The following C1orf87 variants were observed in gnomAD, a reference collection of about 807,000 sequenced individuals.
C1orf87 encodes chromosome 1 open reading frame 87.
Under a neutral mutation model 60.5 loss-of-function variants are expected in C1orf87, and 58 were observed. The ratio of observed to expected loss-of-function variants is 0.96; its 90% CI spans 0.78 to 1.19. The LOEUF is 1.19. C1orf87 is among the 50% of genes most tolerant of loss of function. C1orf87 has a pLI of 0.00. For synonymous variants in C1orf87, 236 were observed against 227.4 expected, an observed-to-expected ratio of 1.04 and a Z score of -0.34; for missense variants, 673 against 638.6, an observed-to-expected ratio of 1.05 and a Z score of -0.58.
chr1:60,002,506 G>T (rs1228643425), intron 9 of C1orf87, among the ~76,000 whole-genome samples: 3 of 151,952 alleles, frequency 2.0e-5, no homozygotes, highest in African/African-American at 7.3e-5. Flanking sequence ...AAATTTGTTT[G>T]AGTTCATTGT....
At chr1:59,996,856 CT>C (rs758983650) in intron 11 of C1orf87, among the ~76,000 whole-genome samples, 2 of 152,122 alleles carry the variant, frequency 1.3e-5, no homozygotes, top group Non-Finnish European at 2.9e-5. Flanking sequence ...CAAAACAAAA[CT>C]GTGCAAGGTG....
intron 3 of C1orf87, 152 bp downstream of exon 3, chr1:60,055,052 T>C: frequency 1.3e-6 from 1 of 752,870 alleles, no homozygotes; most frequent in South Asian, 1.8e-5. Context: ...CTGAAGTTCA[T>C]TTTCAGATTG....
In C1orf87 at chr1:60,040,135, GA is replaced by G; in HGVS notation, c.528del (p.Leu177PhefsTer14). 6.2e-7 allele frequency: 1 copy of G among 1,613,954 alleles called. No homozygotes were observed. The highest frequency in any genetic ancestry group is 1.3e-5 in the African/African-American group (1 of 74,982). Reference sequence around the variant, plus strand: ...AGTTCTCTTCTGACCAGGGCAAGAAGAAAAGCGTCTTCATTTGTTGTCCCAC... The same window carrying G: ...AGTTCTCTTCTGACCAGGGCAAGAAGAAAGCGTCTTCATTTGTTGTCCCAC... ...SPSGTTNEDA[F>X]LLALVRRELK... On this transcript the variant is annotated frameshift_variant, in exon 5 of 12. Transcript: ENST00000371201. LOFTEE classifies it high-confidence loss of function.
chr1:60,015,045 C>T (rs767174994), intron 8 of C1orf87, among the ~76,000 whole-genome samples: 8 of 152,112 alleles, frequency 5.3e-5, no homozygotes, highest in Admixed American at 1.3e-4. Context: ...AGGAGGATTA[C>T]GGAAGAGGCC....
chr1:59,993,756 C>CTTTT (rs768907279), intron 11 of C1orf87, among the ~76,000 whole-genome samples: 1 of 129,212 alleles, frequency 7.7e-6, no homozygotes, highest in East Asian at 2.3e-4. Flanking sequence ...AATAAGAATC[C>CTTTT]TTTTTTTTTT....
intron 8 of C1orf87, among the ~76,000 whole-genome samples, chr1:60,013,442 C>A (rs989020509): frequency 1.1e-4 from 17 of 151,886 alleles, no homozygotes; most frequent in African/African-American, 4.1e-4. Context: ...TACCAAAATT[C>A]TTTCTAGTTT....
At chr1:60,022,236 T>G (rs1019992384) in intron 8 of C1orf87, among the ~76,000 whole-genome samples, 6 of 151,212 alleles carry the variant, frequency 4.0e-5, no homozygotes, top group Non-Finnish European at 5.9e-5. Context: ...GAGGATAAAC[T>G]AGGTATAAGA....
At chr1:60,064,341 TGTA>T in intron 2 of C1orf87, among the ~76,000 whole-genome samples, 2 of 140,654 alleles carry the variant, frequency 1.4e-5, no homozygotes, top group African/African-American at 2.6e-5. Context: ...ATACTATATA[TGTA>T]ATATATGTAA....
At chr1:60,019,547 T>C (rs1276219496) in intron 8 of C1orf87, among the ~76,000 whole-genome samples, 1 of 152,120 alleles carries the variant, frequency 6.6e-6, no homozygotes, top group East Asian at 1.9e-4. Context: ...GGGTAAAGGT[T>C]GAAACATTTT....
At chr1:59,994,236 G>T (rs1644947623) in intron 11 of C1orf87, among the ~76,000 whole-genome samples, 1 of 151,818 alleles carries the variant, frequency 6.6e-6, no homozygotes, top group South Asian at 2.1e-4. Context: ...ATCAACAATG[G>T]GTGGAGTCTG....
At chr1:60,057,926 C>T (rs1404137527) in intron 2 of C1orf87, among the ~76,000 whole-genome samples, 1 of 152,182 alleles carries the variant, frequency 6.6e-6, no homozygotes, top group East Asian at 1.9e-4. Context: ...AATGGCACTT[C>T]ACCCAGTAGT....
chr1:60,064,993 A>T (rs1314550339), intron 2 of C1orf87, among the ~76,000 whole-genome samples: 6 of 50,364 alleles, frequency 1.2e-4, no homozygotes, highest in African/African-American at 4.5e-4. Flanking sequence ...TATAAAATAC[A>T]TATAAATATT....
At chr1:60,043,531 G>T (rs1645342243) in intron 3 of C1orf87, among the ~76,000 whole-genome samples, 1 of 152,102 alleles carries the variant, frequency 6.6e-6, no homozygotes, top group Non-Finnish European at 1.5e-5. Flanking sequence ...ACAGGCGGAT[G>T]CCACCATGCC....
chr1:60,049,811 C>T (rs763785277), intron 3 of C1orf87, among the ~76,000 whole-genome samples: 2 of 152,086 alleles, frequency 1.3e-5, no homozygotes, highest in African/African-American at 2.4e-5. Context: ...ATAGACCCAA[C>T]TTAAAACTTC....
intron 2 of C1orf87, among the ~76,000 whole-genome samples, chr1:60,068,356 A>C (rs1645562766): frequency 1.3e-5 from 2 of 152,180 alleles, no homozygotes; most frequent in South Asian, 4.1e-4. Flanking sequence ...TTCCCTGCCA[A>C]GGCTTGTCAG....
chr1:60,041,278 G>T, intron 3 of C1orf87, 147 bp from the exon 4 acceptor site: 1 of 671,046 alleles, frequency 1.5e-6, no homozygotes, highest in Non-Finnish European at 2.3e-6. Context: ...GTATCATTGA[G>T]TCATTGAATC....
Position 59,990,654 on chromosome 1 carries a change from T to C in C1orf87, c.*19A>G. The C allele has an allele frequency of 3.1e-6, 5 of 1,612,170 alleles. No homozygotes were observed. The highest frequency in any genetic ancestry group is 3.4e-6 in the Non-Finnish European group (4 of 1,178,792). ...AGGGAGATAAGGGAAACATCTGTTC[T>C]CACAATATGGGCTTGTTATCATAGC... On this transcript the variant is annotated 3_prime_UTR_variant, in exon 12 of 12. Transcript: ENST00000371201.
At chr1:60,068,505 A>G (rs1030682597) in intron 2 of C1orf87, among the ~76,000 whole-genome samples, 14 of 152,148 alleles carry the variant, frequency 9.2e-5, no homozygotes, top group African/African-American at 2.7e-4. Context: ...CAATTGTTCC[A>G]TCACCACTTT....
At chr1:60,069,318 GA>G (rs1219215488) in intron 2 of C1orf87, among the ~76,000 whole-genome samples, 1 of 152,176 alleles carries the variant, frequency 6.6e-6, no homozygotes, top group Non-Finnish European at 1.5e-5. Flanking sequence ...AATATATCAG[GA>G]AGGGAGCTGA....
Sources: gnomAD v4.1 joint callset for allele counts (sites outside exome capture counted in the v4.1 genomes callset) on GRCh38, gnomAD v4.1.1 for gene constraint, MANE v1.5 for transcripts, NCBI Gene and HGNC (gene_info 2026-07-23, HGNC 2026-07-21) for gene names.